The following PRG4 variants were observed in gnomAD, a reference collection of about 807,000 sequenced individuals.
PRG4 encodes the protein proteoglycan 4.
PRG4 carries 61 observed loss-of-function variants against 91.2 expected under a neutral mutation model. That is an observed-to-expected ratio of 0.67 (90% CI 0.54 to 0.83). The LOEUF (loss-of-function observed/expected upper bound fraction) is 0.83, where lower values mean the gene tolerates loss of function less well. Ranked by LOEUF, PRG4 falls within the 40% of genes least tolerant of loss-of-function variation. The pLI is 0.00. For missense variants in PRG4, 1,564 were observed against 1,714.2 expected (o/e 0.91, Z 1.55); for synonymous variants, 576 against 614.2 (o/e 0.94, Z 0.92).
In PRG4 at chr1:186,308,305, C is replaced by T; in HGVS notation, c.2586C>T (p.Thr862=). Residue 862 remains threonine, a synonymous_variant, in exon 7 of 13, where the codon ACC becomes ACT. Transcript: ENST00000445192. ...PTTSEVSTPT[T]TKEPTTIHKS... is the part of the protein sequence containing the mutation. ...CTTCAGAGGTCTCTACTCCAACTAC[C>T]ACCAAGGAGCCTACCACTATCCACA... The T allele has an allele frequency of 1.2e-6, 2 of 1,614,010 alleles. No individual in the cohort carries two copies. Among genetic ancestry groups the T allele is most frequent in the Non-Finnish European group, 1.7e-6 (2 of 1,180,030 alleles).
Position 186,307,541 on chromosome 1 carries a change from C to A in PRG4, c.1822C>A (p.Pro608Thr), listed in dbSNP as rs1159858075. The change falls in exon 7 of 13, where the codon CCT becomes ACT. Residue 608 changes from proline to threonine, a missense_variant. Physicochemically the swap from Pro to Thr is conservative, Grantham distance 38 (BLOSUM62 -1). Coordinates refer to ENST00000445192, the MANE Select transcript of PRG4 (RefSeq NM_005807.6). Reference protein sequence around the residue: ...KKPAPTTPKEPAPTTPKETAP... With the variant: ...KKPAPTTPKETAPTTPKETAP... ...GCCTGCACCCACCACTCCCAAAGAG[C>A]CTGCCCCAACTACCCCCAAGGAGAC... The A allele has an allele frequency of 5.7e-6, 9 of 1,582,328 alleles. No homozygotes were observed. In the African/African-American group the frequency reaches 8.2e-5, roughly 14 times the overall value.
chr1:186,313,868 T>C lies in PRG4; in HGVS notation c.*90T>C. The C allele has an allele frequency of 6.9e-7, 1 of 1,457,902 alleles. No individual in the cohort carries two copies. Among genetic ancestry groups the C allele is most frequent in the Non-Finnish European group, 9.6e-7 (1 of 1,039,576 alleles). The allele number at this position is 1,457,902 out of a possible 1,614,324, so 90.3% of individuals were successfully genotyped here. Reference sequence around the variant, plus strand: ...ATTTTATTAATAAAGAATATTGACATGAGTATACCAGTTTATATATAAAAA... The same window carrying C: ...ATTTTATTAATAAAGAATATTGACACGAGTATACCAGTTTATATATAAAAA... On this transcript the variant is annotated 3_prime_UTR_variant, in exon 13 of 13. Transcript: ENST00000445192.
intron 3 of PRG4, among the ~76,000 whole-genome samples, chr1:186,301,277 A>G (rs182708063): frequency 2.0e-5 from 3 of 152,336 alleles, no homozygotes; most frequent in Non-Finnish European, 2.9e-5. Flanking sequence ...TATGAAGGCT[A>G]TCTCACTATC....
At chr1:186,313,382 G>T (rs1657428301) in intron 12 of PRG4, 2 of 344,592 alleles carry the variant, frequency 5.8e-6, no homozygotes, top group Admixed American at 8.9e-5. Context: ...TTTTTTAAAA[G>T]GAATAACCCC....
chr1:186,310,932 G>C, intron 8 of PRG4, 102 bp from the exon 9 acceptor site: 1 of 1,302,484 alleles, frequency 7.7e-7, no homozygotes, highest in Non-Finnish European at 1.1e-6. Flanking sequence ...TAAACTTCCA[G>C]TCATACAATG....
chr1:186,303,994 C>T, intron 4 of PRG4, 114 bp from the exon 5 acceptor site: 1 of 1,106,580 alleles, frequency 9.0e-7, no homozygotes. Flanking sequence ...AGCCTGCCTG[C>T]ACTGGCTGTC....
intron 4 of PRG4, among the ~76,000 whole-genome samples, chr1:186,302,941 A>T (rs1191707060): frequency 6.6e-6 from 1 of 152,198 alleles, no homozygotes; most frequent in African/African-American, 2.4e-5. Flanking sequence ...CTCTGAAAAA[A>T]AAATGATGAA....
chr1:186,311,838 G>A (rs1037221831), intron 10 of PRG4: 9 of 577,992 alleles, frequency 1.6e-5, no homozygotes, highest in East Asian at 1.2e-4. Flanking sequence ...ATTTACTTTC[G>A]CTTCACAAAT....
chr1:186,304,308 T>G, intron 5 of PRG4, 51 bp downstream of exon 5: 1 of 1,553,408 alleles, frequency 6.4e-7, no homozygotes, highest in Non-Finnish European at 8.9e-7. Flanking sequence ...TGAAGTAACT[T>G]GTAGGTGACT....
chr1:186,298,753 C>A (rs1317997402), intron 2 of PRG4, among the ~76,000 whole-genome samples: 1 of 152,168 alleles, frequency 6.6e-6, no homozygotes, highest in Non-Finnish European at 1.5e-5. Context: ...TCCCAAAGTG[C>A]TGGAATTACA....
chr1:186,307,685 C>A lies in PRG4; in HGVS notation c.1966C>A (p.Pro656Thr), dbSNP rs1419626516. The A allele has an allele frequency of 3.1e-6, 5 of 1,603,472 alleles. No homozygotes were observed. The Admixed American group carries it at 6.8e-5, about 22-fold the overall frequency. The change falls in exon 7 of 13, where the codon CCC becomes ACC. Residue 656 changes from proline to threonine, a missense_variant. Pro to Thr is a conservative substitution (Grantham distance 38). Around this residue, in one of 3 missense-constraint regions of PRG4, gnomAD observed 1,079 missense variants for 1,162.2 expected, o/e 0.93. Coordinates refer to ENST00000445192, the MANE Select transcript of PRG4 (RefSeq NM_005807.6). ...EELAPTTPEE[P>T]TPTTPEEPAP... ...GCTCGCACCCACCACCCCTGAGGAG[C>A]CCACACCCACCACCCCTGAGGAGCC...
At position 186,300,082 on chromosome 1, in the gene PRG4, T is replaced by C. The variant is rs774280540; in HGVS notation, c.77-9T>C. 6.8e-6 allele frequency: 11 copies of C among 1,613,912 alleles called. No homozygotes were observed. In the Admixed American group the frequency reaches 1.5e-4, roughly 22 times the overall value. ...TGGCCATATTTACGCCAGTATTGTA[T>C]AATTTTAGATTTATCAAGCTGTGCA... On this transcript the variant is annotated splice_polypyrimidine_tract_variant and intron_variant, in intron 2 of 12. Coordinates refer to ENST00000445192, the MANE Select transcript of PRG4 (RefSeq NM_005807.6).
chr1:186,306,345 A>G lies in PRG4; in HGVS notation c.626A>G (p.Lys209Arg), dbSNP rs749760124. The change falls in exon 7 of 13, where the codon AAA (lysine) becomes AGA (arginine). Residue 209 changes from lysine to arginine, a missense_variant. Transcript: ENST00000445192. Reference sequence around the variant, plus strand: ...AAAGATAACAAGAAGAACAGAACTAAAAAGAAACCTACCCCCAAACCACCA... The same window carrying G: ...AAAGATAACAAGAAGAACAGAACTAGAAAGAAACCTACCCCCAAACCACCA... ...KVKDNKKNRT[K>R]KKPTPKPPVV... is the part of the protein sequence containing the mutation. 1 of 1,604,238 alleles carries G rather than the reference A, an allele frequency of 6.2e-7. No homozygotes were observed. The highest frequency in any genetic ancestry group is 2.2e-5 in the East Asian group (1 of 44,846).
chr1:186,297,447 T>C (rs1655931503), intron 2 of PRG4, among the ~76,000 whole-genome samples: 1 of 152,236 alleles, frequency 6.6e-6, no homozygotes, highest in African/African-American at 2.4e-5. Context: ...TTGAAAATGT[T>C]CTCTTTTTCT....
chr1:186,301,830 A>C, intron 4 of PRG4, 119 bp downstream of exon 4: 1 of 1,346,254 alleles, frequency 7.4e-7, no homozygotes, highest in Non-Finnish European at 1.1e-6. Flanking sequence ...ACTAACATAT[A>C]AGCTATTTCA....
Position 186,307,542 on chromosome 1 carries a change from C to G in PRG4, c.1823C>G (p.Pro608Arg). 2.5e-6 allele frequency: 4 copies of G among 1,584,216 alleles called. No individual in the cohort carries two copies. The highest frequency in any genetic ancestry group is 3.5e-6 in the Non-Finnish European group (4 of 1,158,420). Residue 608 changes from proline to arginine, a missense_variant, in exon 7 of 13, where the codon CCT becomes CGT. Coordinates refer to ENST00000445192, the MANE Select transcript of PRG4 (RefSeq NM_005807.6). The stretch of plus-strand genomic sequence containing the variant: ...CCTGCACCCACCACTCCCAAAGAGC[C>G]TGCCCCAACTACCCCCAAGGAGACT... Reference protein sequence around the residue: ...KKPAPTTPKEPAPTTPKETAP... With the variant: ...KKPAPTTPKERAPTTPKETAP...
Position 186,313,745 on chromosome 1 carries a change from G to A in PRG4, c.4182G>A (p.Gln1394=). 6.2e-7 allele frequency: 1 copy of A among 1,609,312 alleles called. No individual in the cohort carries two copies. The highest frequency in any genetic ancestry group is 8.5e-7 in the Non-Finnish European group (1 of 1,175,788). The change falls in exon 13 of 13, where the codon CAG becomes CAA. Residue 1394 remains glutamine (Q), a synonymous_variant. Coordinates refer to ENST00000445192, the MANE Select transcript of PRG4 (RefSeq NM_005807.6). ...GAGCAATTACTACTCGTTCTGGGCA[G>A]ACCTTATCCAAAGTCTGGTACAACT... The part of the protein sequence containing the change: ...TARAITTRSG[Q]TLSKVWYNCP
rs1657287035 is a variant in PRG4 at position 186,312,053 on chromosome 1, ATATAT to A, written c.3794-116_3794-112del. On this transcript the variant is annotated intron_variant, in intron 10 of 12. Coordinates refer to ENST00000445192, the MANE Select transcript of PRG4 (RefSeq NM_005807.6). ...TGACTAATAGCCATTATTAATATCA[ATATAT>A]TATATGAAAAATGAGAACAAAACTG... 5.1e-5 allele frequency: 39 copies of A among 757,706 alleles called. 1 individual carries two copies. The South Asian group carries it at 5.8e-4, about 11-fold the overall frequency. 46.9% of individuals were successfully genotyped at this position (757,706 alleles called of 1,614,324 possible). A position where few individuals can be genotyped will look rare whatever the true frequency, so the allele number is the denominator to read the frequency against.
rs571489866 is a variant in PRG4 at position 186,312,898 on chromosome 1, A to G, written c.4117+4A>G. On this transcript the variant is annotated splice_donor_region_variant and intron_variant, in intron 12 of 12. Coordinates refer to ENST00000445192, the MANE Select transcript of PRG4 (RefSeq NM_005807.6). ...GATTACTATGCCTTTTCTAAAGGTA[A>G]GGTATTAACTAACAGTTTCCCAAGG... The G allele has an allele frequency of 1.2e-6, 2 of 1,610,988 alleles. No homozygotes were observed. Among genetic ancestry groups the G allele is most frequent in the Admixed American group, 1.7e-5 (1 of 60,022 alleles).
Sources: allele counts gnomAD v4.1 joint callset (sites outside exome capture counted in the v4.1 genomes callset), GRCh38; gene constraint gnomAD v4.1.1; regional missense constraint gnomAD v4.1.1; transcripts MANE v1.5; gene names NCBI Gene and HGNC (gene_info 2026-07-23, HGNC 2026-07-21).